ARHGAP23: variants seen among roughly 807,000 people sequenced by gnomAD.
The protein encoded by ARHGAP23 is rho GTPase-activating protein 23.
Under a neutral mutation model 136.3 loss-of-function variants are expected in ARHGAP23, and 34 were observed. The ratio of observed to expected loss-of-function variants is 0.25; its 90% CI spans 0.19 to 0.33. The LOEUF is 0.33. Ranked by LOEUF, ARHGAP23 falls within the 10% of genes least tolerant of loss-of-function variation. The probability of loss-of-function intolerance (pLI) is 1.00; values close to 1 mark genes in which losing one functional copy is unlikely to be tolerated. For missense variants in ARHGAP23, 1,808 were observed against 2,139.0 expected, an observed-to-expected ratio of 0.85 and a Z score of 3.05; for synonymous variants, 832 against 920.5, an observed-to-expected ratio of 0.90 and a Z score of 1.74.
intron 1 of ARHGAP23, among the ~76,000 whole-genome samples, chr17:38,449,650 C>T (rs12165044): frequency 0.18 from 26,646 of 152,038 alleles, 3,466 homozygotes; most frequent in African/African-American, 0.37. Context: ...CTGGGATGCA[C>T]GGATCTGTGG....
In ARHGAP23 at chr17:38,458,028, C is replaced by T. The variant is rs183524749; in HGVS notation, c.64-74C>T. 9.5e-5 allele frequency: 143 copies of T among 1,509,284 alleles called. 2 individuals carry two copies. The Middle Eastern group carries it at 1.8e-3, about 19-fold the overall frequency. 93.5% of individuals were successfully genotyped at this position (1,509,284 alleles called of 1,614,324 possible). ...TCTGGTGCCCCTCCGGTCCTGTGGG[C>T]TGCAGGAGGTGGTGCAAACAGCCAG... On this transcript the variant is annotated intron_variant, in intron 1 of 23. Coordinates refer to ENST00000622683, the MANE Select transcript of ARHGAP23 (RefSeq NM_001199417.2).
intron 1 of ARHGAP23, among the ~76,000 whole-genome samples, chr17:38,438,112 A>G (rs1237147989): frequency 6.6e-6 from 1 of 152,100 alleles, no homozygotes; most frequent in Non-Finnish European, 1.5e-5. Flanking sequence ...CACGAGGGCA[A>G]GAGATCGAGA....
chr17:38,490,717 G>C (rs2040258962), intron 19 of ARHGAP23, among the ~76,000 whole-genome samples, 166 bp downstream of exon 19: 1 of 152,208 alleles, frequency 6.6e-6, no homozygotes, highest in Non-Finnish European at 1.5e-5. Context: ...ATGCTGGTCA[G>C]TGCTTTCCCC....
At position 38,469,939 on chromosome 17, in the gene ARHGAP23, C is replaced by A. The variant is rs778934892; in HGVS notation, c.1974+35C>A. 6 of 1,550,132 alleles carry A rather than the reference C, an allele frequency of 3.9e-6. No homozygotes were observed. The African/African-American group carries it at 4.1e-5, about 11-fold the overall frequency. On this transcript the variant is annotated intron_variant, in intron 10 of 23. Transcript: ENST00000622683. ...GCAAGTGTGTGTGCGTGCGCAGGAG[C>A]GAGGGTGTGGGGAGAGAGGGTGTCA...
In ARHGAP23 at chr17:38,436,219, A is replaced by G. The variant is rs117505684; in HGVS notation, c.63+7671A>G. Among the ~76,000 whole-genome samples the G allele has an allele frequency of 7.3e-3, 1,108 of 152,288 alleles. 3 individuals carry two copies. Among genetic ancestry groups the G allele is most frequent in the Non-Finnish European group, 0.01 (686 of 68,018 alleles). The stretch of plus-strand genomic sequence containing the variant: ...GGCAGAAAATGGGGACCACACAACC[A>G]GGCTGGGGTTGCCAACATGAGGGAG... On this transcript the variant is annotated intron_variant, in intron 1 of 23. Coordinates refer to ENST00000622683, the MANE Select transcript of ARHGAP23 (RefSeq NM_001199417.2).
intron 10 of ARHGAP23, 69 bp downstream of exon 10, chr17:38,469,973 G>C (rs1962953818): frequency 1.6e-5 from 25 of 1,521,100 alleles, no homozygotes; most frequent in Non-Finnish European, 2.1e-5. Flanking sequence ...CAGGGAGGTG[G>C]GGCCACAGCC....
chr17:38,438,341 A>G (rs1039829644), intron 1 of ARHGAP23, among the ~76,000 whole-genome samples: 1 of 147,042 alleles, frequency 6.8e-6, no homozygotes, highest in South Asian at 2.2e-4. Context: ...AAAAAAAAAA[A>G]GATGTTTGTT....
intron 16 of ARHGAP23, among the ~76,000 whole-genome samples, chr17:38,485,817 A>C (rs977017721): frequency 1.3e-5 from 2 of 152,148 alleles, no homozygotes; most frequent in South Asian, 4.1e-4. Flanking sequence ...CTTTCTGTGC[A>C]TGGGGAGGTG....
upstream of ARHGAP23, among the ~76,000 whole-genome samples, chr17:38,423,625 A>G (rs2038541938): frequency 1.3e-5 from 2 of 152,058 alleles, no homozygotes; most frequent in Non-Finnish European, 2.9e-5. Context: ...TGCCCTCCTC[A>G]GCCTCCCAGA....
Position 38,510,278 on chromosome 17 carries a change from G to A in ARHGAP23, c.3782G>A (p.Cys1261Tyr). ...CTGTCCACCATGGACCGCAGCGTGT[G>A]CTCGGGCGCTAGCGGTCGGCGGGCA... ...STLSTMDRSV[C>Y]SGASGRRAGA... The change falls in exon 24 of 24, where the codon TGC (cysteine) becomes TAC (tyrosine). Residue 1261 changes from cysteine to tyrosine, a missense_variant. This residue lies in a region of ARHGAP23 where 506 missense variants were observed against 455.8 expected (regional missense o/e 1.11). Transcript: ENST00000622683. The surrounding 1 kb of genome is among the most constrained non-coding windows in gnomAD (Gnocchi z 4.6). 1 of 1,291,880 alleles carries A rather than the reference G, an allele frequency of 7.7e-7. No individual in the cohort carries two copies. Among genetic ancestry groups the A allele is most frequent in the South Asian group, 2.6e-5 (1 of 38,648 alleles). The allele number at this position is 1,291,880 out of a possible 1,614,324, so 80.0% of individuals were successfully genotyped here. A position where few individuals can be genotyped will look rare whatever the true frequency, so the allele number is the denominator to read the frequency against.
At position 38,477,549 on chromosome 17, in the gene ARHGAP23, T is replaced by G. The variant is rs1260553707; in HGVS notation, c.2119-30T>G. 1 of 1,253,046 alleles carries G rather than the reference T, an allele frequency of 8.0e-7. No homozygotes were observed. Among genetic ancestry groups the G allele is most frequent in the Non-Finnish European group, 1.0e-6 (1 of 996,566 alleles). 77.6% of individuals were successfully genotyped at this position (1,253,046 alleles called of 1,614,324 possible). A position where few individuals can be genotyped will look rare whatever the true frequency, so the allele number is the denominator to read the frequency against. Reference sequence around the variant, plus strand: ...GGCAAAACTGGCCTCTCACCATTCCTGTCTCCCCCAACCCCGTGTCTCCCT... The same window carrying G: ...GGCAAAACTGGCCTCTCACCATTCCGGTCTCCCCCAACCCCGTGTCTCCCT... On this transcript the variant is annotated intron_variant, in intron 11 of 23. Transcript: ENST00000622683. This position sits in a 1 kb window ranked among gnomAD's most constrained non-coding sequence, Gnocchi z 6.6.
rs554826071 is a variant in ARHGAP23, at chr17:38,475,135, C to T, written c.2119-2444C>T. ...TAGAGGAGAGTCTTCAAGTCAGCCT[C>T]AGGCCCTTGGTCCACCCAGGCCGTG... On this transcript the variant is annotated intron_variant, in intron 11 of 23. Coordinates refer to ENST00000622683, the MANE Select transcript of ARHGAP23 (RefSeq NM_001199417.2). 2.0e-5 allele frequency among the ~76,000 whole-genome samples: 3 copies of T among 152,342 alleles called. No individual in the cohort carries two copies. In the East Asian group the frequency reaches 5.8e-4, roughly 29 times the overall value.
At chr17:38,478,279 C>T (rs1250959930) in intron 12 of ARHGAP23, among the ~76,000 whole-genome samples, 1 of 152,160 alleles carries the variant, frequency 6.6e-6, no homozygotes, top group African/African-American at 2.4e-5. Context: ...CATGAGTGTC[C>T]CCGCACCAGA....
In ARHGAP23 at chr17:38,510,411, G is replaced by C. The variant is rs1483691220; in HGVS notation, c.3915G>C (p.Pro1305=). The C allele has an allele frequency of 8.1e-7, 1 of 1,239,272 alleles. No homozygotes were observed. The highest frequency in any genetic ancestry group is 3.8e-5 in the South Asian group (1 of 26,666). 76.8% of individuals were successfully genotyped at this position (1,239,272 alleles called of 1,614,324 possible). ...CTGGGGGGCGCCTGACACGCCGGCC[G>C]TCCTTCAGCTCGCACCACCTCATGC... The part of the protein sequence containing the change: ...AGPGGRLTRR[P]SFSSHHLMPC... The change falls in exon 24 of 24, where the codon CCG becomes CCC. Residue 1305 remains proline, a synonymous_variant. Transcript: ENST00000622683. This position sits in a 1 kb window ranked among gnomAD's most constrained non-coding sequence, Gnocchi z 4.6.
chr17:38,438,806 A>T (rs1352407238), intron 1 of ARHGAP23, among the ~76,000 whole-genome samples: 1 of 151,930 alleles, frequency 6.6e-6, no homozygotes, highest in Non-Finnish European at 1.5e-5. Context: ...CAACATGGAG[A>T]AACCCCGTCT....
At position 38,460,509 on chromosome 17, in the gene ARHGAP23, C is replaced by G. The variant is rs572578887; in HGVS notation, c.226-396C>G. On this transcript the variant is annotated intron_variant, in intron 2 of 23. Coordinates refer to ENST00000622683, the MANE Select transcript of ARHGAP23 (RefSeq NM_001199417.2). ...GTCCCCTCCCCAGGAGGACTCTAAT[C>G]AGTCCTCCCCTTGGTATTCCCTGGA... 1.6e-4 allele frequency among the ~76,000 whole-genome samples: 24 copies of G among 152,302 alleles called. No individual in the cohort carries two copies. In the South Asian group the frequency reaches 2.1e-3, roughly 13 times the overall value.
intron 1 of ARHGAP23, chr17:38,450,442 G>T (rs1288030660): frequency 6.6e-6 from 1 of 151,592 alleles, no homozygotes; most frequent in Non-Finnish European, 1.5e-5. Flanking sequence ...TTGGGACAGG[G>T]TCTCACTCTG....
chr17:38,507,156 C>T (rs2040651517), intron 23 of ARHGAP23, among the ~76,000 whole-genome samples: 1 of 151,956 alleles, frequency 6.6e-6, no homozygotes, highest in Non-Finnish European at 1.5e-5. Flanking sequence ...TGCCTGTAAT[C>T]CCAGCTACTC....
At chr17:38,428,114 T>A (rs1266915797), upstream of ARHGAP23, among the ~76,000 whole-genome samples, 3 of 152,136 alleles carry the variant, frequency 2.0e-5, no homozygotes, top group Non-Finnish European at 4.4e-5. Context: ...ATCCCCGTGC[T>A]AGTTCTGGGT....
Sources: allele counts gnomAD v4.1 joint callset (sites outside exome capture counted in the v4.1 genomes callset), GRCh38; gene constraint gnomAD v4.1.1; regional missense constraint gnomAD v4.1.1; non-coding constraint Gnocchi (gnomAD v3.1); transcripts MANE v1.5; gene names NCBI Gene and HGNC (gene_info 2026-07-23, HGNC 2026-07-21).